Variants in SLC24A2 observed in about 807,000 individuals in gnomAD.
SLC24A2 encodes sodium/potassium/calcium exchanger 2.
SLC24A2 carries 36 observed loss-of-function variants against 62.0 expected under a neutral mutation model. The observed-to-expected ratio is 0.58, with a 90% CI of 0.44 to 0.77. The LOEUF (loss-of-function observed/expected upper bound fraction) is 0.77, where lower values mean the gene tolerates loss of function less well. Among genes scored for constraint, SLC24A2 ranks in the 30% least tolerant of loss-of-function variants. SLC24A2 has a pLI of 0.00. For missense variants in SLC24A2, 846 were observed against 817.9 expected (o/e 1.03, Z -0.42); for synonymous variants, 358 against 294.0 (o/e 1.22, Z -2.23).
chr9:19,509,648 C>A lies in SLC24A2; in HGVS notation c.*6505G>T, dbSNP rs1006396456. 5 of 152,106 alleles carry A rather than the reference C, an allele frequency of 3.3e-5. No individual in the cohort carries two copies. The highest frequency in any genetic ancestry group is 4.8e-5 in the African/African-American group (2 of 41,418). 9.4% of individuals were successfully genotyped at this position (152,106 alleles called of 1,614,324 possible). Reference sequence around the variant, plus strand: ...TAATTAAATGGCAAGAAGTTATCTACCCTTAATTTATGCATGTAATTTCAT... The same window carrying A: ...TAATTAAATGGCAAGAAGTTATCTAACCTTAATTTATGCATGTAATTTCAT... On this transcript the variant is annotated 3_prime_UTR_variant, in exon 11 of 11. Coordinates refer to ENST00000341998, the MANE Select transcript of SLC24A2 (RefSeq NM_020344.4).
chr9:20,207,024 G>A, the SLC24A2 span, among the ~76,000 whole-genome samples: 3 of 152,064 alleles, frequency 2.0e-5, no homozygotes, highest in African/African-American at 7.2e-5. Flanking sequence ...AACTCCTTGA[G>A]GGTAAACACT....
chr9:19,898,683 C>T, the SLC24A2 span, among the ~76,000 whole-genome samples: 4 of 143,964 alleles, frequency 2.8e-5, no homozygotes, highest in East Asian at 6.4e-4. Flanking sequence ...TGGAGCTTGC[C>T]GTGAGCTGAG....
chr9:20,052,322 G>C, the SLC24A2 span, among the ~76,000 whole-genome samples: 5 of 152,140 alleles, frequency 3.3e-5, no homozygotes, highest in African/African-American at 9.7e-5. Context: ...AAGCTACTAG[G>C]TGGCAAAGAC....
At chr9:19,981,628 T>C in the SLC24A2 span, among the ~76,000 whole-genome samples, 1 of 152,226 alleles carries the variant, frequency 6.6e-6, no homozygotes, top group African/African-American at 2.4e-5. Context: ...GTAGTTGATC[T>C]AGGCTTGGCT....
the SLC24A2 span, among the ~76,000 whole-genome samples, chr9:20,174,549 T>G: frequency 6.6e-6 from 1 of 151,102 alleles, no homozygotes; most frequent in African/African-American, 2.4e-5. Flanking sequence ...AGGACATGAA[T>G]AGACATTTCC....
rs770636357 is a variant in SLC24A2 at position 19,786,070 on chromosome 9, C to A, written c.797G>T (p.Ser266Ile). 3 of 1,614,192 alleles carry A rather than the reference C, an allele frequency of 1.9e-6. No homozygotes were observed. In the South Asian group the frequency reaches 3.3e-5, roughly 18 times the overall value. ...FLDNVIMWWE[S>I]LLLLTAYFCY... ...AAAATAAGCTGTTAAGAGAAGCAAG[C>A]TTTCCCACCACATGATGACATTATC... Residue 266 changes from serine (S) to isoleucine (I), a missense_variant, in exon 2 of 11, where the codon AGC (serine) becomes ATC (isoleucine). By Grantham distance (142) the Ser-to-Ile change is moderately radical. Transcript: ENST00000341998. This position sits in a 1 kb window ranked among gnomAD's most constrained non-coding sequence, Gnocchi z 5.0.
chr9:20,084,650 C>A, the SLC24A2 span, among the ~76,000 whole-genome samples: 2 of 152,058 alleles, frequency 1.3e-5, no homozygotes, highest in Non-Finnish European at 2.9e-5. Context: ...TGGAGGCTGA[C>A]CATGAAAGTA....
the SLC24A2 span, among the ~76,000 whole-genome samples, chr9:20,068,057 CTTT>C: frequency 1.3e-4 from 12 of 89,750 alleles, no homozygotes; most frequent in African/African-American, 2.4e-4. Flanking sequence ...TTTTTTGACT[CTTT>C]TTTTTTTTTT....
At chr9:20,066,475 C>A in the SLC24A2 span, among the ~76,000 whole-genome samples, 2 of 152,192 alleles carry the variant, frequency 1.3e-5, no homozygotes, top group Non-Finnish European at 2.9e-5. Flanking sequence ...AATTATTCAA[C>A]TGCTAAAAAG....
chr9:20,246,502 G>A, the SLC24A2 span, among the ~76,000 whole-genome samples: 989 of 152,238 alleles, frequency 6.5e-3, 6 homozygotes, highest in African/African-American at 0.023. Context: ...TTAATTTTAC[G>A]AACCACTCAG....
the SLC24A2 span, among the ~76,000 whole-genome samples, chr9:19,973,166 C>G: frequency 6.6e-6 from 1 of 152,144 alleles, no homozygotes; most frequent in Non-Finnish European, 1.5e-5. Context: ...AATGAGAACC[C>G]CATTTCTAAA....
the SLC24A2 span, among the ~76,000 whole-genome samples, chr9:20,092,185 C>A: frequency 6.6e-6 from 1 of 152,138 alleles, no homozygotes; most frequent in African/African-American, 2.4e-5. Context: ...GTACAACAAA[C>A]CCCCATGAGT....
chr9:20,043,917 C>T, the SLC24A2 span, among the ~76,000 whole-genome samples: 1 of 152,150 alleles, frequency 6.6e-6, no homozygotes, highest in African/African-American at 2.4e-5. Context: ...AACAGTATCA[C>T]ATGCTACAGA....
the SLC24A2 span, among the ~76,000 whole-genome samples, chr9:19,841,068 A>G: frequency 6.6e-6 from 1 of 152,248 alleles, no homozygotes; most frequent in East Asian, 1.9e-4. Context: ...TTAAATGAAC[A>G]CAAAGAACAT....
At chr9:19,551,602 T>A (rs892577855) in intron 7 of SLC24A2, among the ~76,000 whole-genome samples, 1 of 152,160 alleles carries the variant, frequency 6.6e-6, no homozygotes, top group Admixed American at 6.5e-5. Flanking sequence ...TGAGACCATA[T>A]AAATAACTTT....
chr9:20,195,480 C>G, the SLC24A2 span, among the ~76,000 whole-genome samples: 1 of 152,020 alleles, frequency 6.6e-6, no homozygotes, highest in Non-Finnish European at 1.5e-5. Flanking sequence ...TGGATTTCTT[C>G]TTTTGTGAAG....
At chr9:20,289,135 A>G in the SLC24A2 span, among the ~76,000 whole-genome samples, 1 of 152,168 alleles carries the variant, frequency 6.6e-6, no homozygotes, top group African/African-American at 2.4e-5. Context: ...TGAGCAAAAC[A>G]TAGGTCATCA....
At chr9:20,062,827 T>C in the SLC24A2 span, among the ~76,000 whole-genome samples, 24 of 129,652 alleles carry the variant, frequency 1.9e-4, 1 homozygote, top group South Asian at 5.5e-4. Flanking sequence ...AAAAAGTGGG[T>C]GAAGGACATG....
At chr9:20,238,565 C>T in the SLC24A2 span, among the ~76,000 whole-genome samples, 2 of 152,082 alleles carry the variant, frequency 1.3e-5, no homozygotes, top group Admixed American at 1.3e-4. Context: ...TTAAATGGGG[C>T]CTGGGGAGCA....
Sources: gnomAD v4.1 joint callset for allele counts (sites outside exome capture counted in the v4.1 genomes callset) on GRCh38, gnomAD v4.1.1 for gene constraint, Gnocchi (gnomAD v3.1) non-coding constraint, MANE v1.5 for transcripts, NCBI Gene and HGNC (gene_info 2026-07-23, HGNC 2026-07-21) for gene names.